Variants in GABRG1 observed in about 807,000 individuals in gnomAD.
GABRG1 encodes the protein gamma-aminobutyric acid receptor subunit gamma-1.
In GABRG1, 49 loss-of-function variants were observed where a neutral mutation model predicts 49.8. The observed-to-expected ratio is 0.98, with a 90% confidence interval of 0.78 to 1.25. The LOEUF (loss-of-function observed/expected upper bound fraction) is 1.25, where lower values mean the gene tolerates loss of function less well. Among genes scored for constraint, GABRG1 ranks in the 50% most tolerant of loss-of-function variants. The pLI is 0.00. For synonymous variants in GABRG1, 232 were observed against 185.1 expected (o/e 1.25, Z -2.06); for missense variants, 552 against 552.3 (o/e 1.00, Z 0.01).
At chr4:46,077,192 C>G (rs551466137) in intron 3 of GABRG1, among the ~76,000 whole-genome samples, 1 of 151,062 alleles carries the variant, frequency 6.6e-6, no homozygotes, top group South Asian at 2.1e-4. Flanking sequence ...GGAGATATAC[C>G]TAATGCTAAA....
intron 2 of GABRG1, among the ~76,000 whole-genome samples, chr4:46,095,031 C>T (rs1720121294): frequency 6.6e-6 from 1 of 151,668 alleles, no homozygotes; most frequent in African/African-American, 2.4e-5. Context: ...AATTCAGAAA[C>T]TAAGCAAGAT....
At chr4:46,048,605 A>G (rs1204305449) in intron 8 of GABRG1, among the ~76,000 whole-genome samples, 2 of 150,120 alleles carry the variant, frequency 1.3e-5, no homozygotes, top group African/African-American at 2.4e-5. Context: ...GAAGGAAGGA[A>G]GGAAGGAGAA....
At position 46,038,675 on chromosome 4, in the gene GABRG1, A is replaced by G. The variant is rs898319253; in HGVS notation, c.*2313T>C. On this transcript the variant is annotated 3_prime_UTR_variant, in exon 9 of 9. Transcript: ENST00000295452. ...TTTCTTGAGAAAGAAGTCTAAATGT[A>G]GTTTTACCTTTTTATTCTTATTTTT... 2 of 151,678 alleles carry G rather than the reference A, an allele frequency of 1.3e-5. No individual in the cohort carries two copies. The allele number at this position is 151,678 out of a possible 1,614,324, so 9.4% of individuals were successfully genotyped here.
At chr4:46,119,726 A>C (rs1254379975) in intron 1 of GABRG1, among the ~76,000 whole-genome samples, 1 of 151,324 alleles carries the variant, frequency 6.6e-6, no homozygotes, top group East Asian at 1.9e-4. Flanking sequence ...TTATCTTTAG[A>C]GTTCTAGAGG....
At chr4:46,047,295 C>T (rs948691897) in intron 8 of GABRG1, among the ~76,000 whole-genome samples, 13 of 152,112 alleles carry the variant, frequency 8.5e-5, no homozygotes, top group Non-Finnish European at 1.9e-4. Flanking sequence ...CTCAGCCCAG[C>T]TGACATAGTT....
chr4:46,100,010 T>C lies in GABRG1; in HGVS notation c.105-2661A>G, dbSNP rs188316130. On this transcript the variant is annotated intron_variant, in intron 1 of 8. Transcript: ENST00000295452. Reference sequence around the variant, plus strand: ...TTGAGCCTGTACTTCTAAGGATGCATTATTTTAAAGTATACAAAGTTTCAC... The same window carrying C: ...TTGAGCCTGTACTTCTAAGGATGCACTATTTTAAAGTATACAAAGTTTCAC... Among the ~76,000 whole-genome samples the C allele has an allele frequency of 8.6e-5, 13 of 151,860 alleles. No individual in the cohort carries two copies. The Middle Eastern group carries it at 0.01, about 119-fold the overall frequency.
At chr4:46,109,397 G>T (rs1390503720) in intron 1 of GABRG1, among the ~76,000 whole-genome samples, 1 of 150,520 alleles carries the variant, frequency 6.6e-6, no homozygotes, top group East Asian at 2.0e-4. Flanking sequence ...GTGCTTATTT[G>T]GATCTTCTCT....
chr4:46,110,430 C>T (rs1359671406), intron 1 of GABRG1, among the ~76,000 whole-genome samples: 4 of 150,948 alleles, frequency 2.6e-5, no homozygotes, highest in Admixed American at 2.0e-4. Flanking sequence ...GTCTTGAAGA[C>T]AGCAGATGGA....
chr4:46,065,400 C>T lies in GABRG1; in HGVS notation c.506G>A (p.Arg169Gln), dbSNP rs940269899. The change falls in exon 4 of 9, where the codon CGA becomes CAA. Residue 169 changes from arginine to glutamine, a missense_variant. Physicochemically the swap from Arg to Gln is conservative, Grantham distance 43 (BLOSUM62 1). Transcript: ENST00000295452. ...HWITTPNRLL[R>Q]IWNDGRVLYT... Reference sequence around the variant, plus strand: ...CAGAACTCGTCCATCATTCCAAATTCGAAGCAGACGATTAGGAGTTGTTAT... The same window carrying T: ...CAGAACTCGTCCATCATTCCAAATTTGAAGCAGACGATTAGGAGTTGTTAT... The T allele has an allele frequency of 3.7e-6, 6 of 1,612,984 alleles. No homozygotes were observed. The highest frequency in any genetic ancestry group is 1.1e-5 in the South Asian group (1 of 91,064).
chr4:46,089,343 A>AC (rs1210017431), intron 2 of GABRG1, among the ~76,000 whole-genome samples: 1 of 152,096 alleles, frequency 6.6e-6, no homozygotes, highest in Admixed American at 6.6e-5. Flanking sequence ...ACTTGATGTT[A>AC]CCCCAAAAAG....
At chr4:46,112,967 T>G (rs2109442068) in intron 1 of GABRG1, among the ~76,000 whole-genome samples, 1 of 151,172 alleles carries the variant, frequency 6.6e-6, no homozygotes, top group Admixed American at 6.6e-5. Flanking sequence ...CGGCTACAAG[T>G]AACTACAAGG....
intron 7 of GABRG1, among the ~76,000 whole-genome samples, chr4:46,056,432 T>G (rs1321513712): frequency 1.3e-5 from 2 of 151,972 alleles, no homozygotes; most frequent in Non-Finnish European, 2.9e-5. Flanking sequence ...CACACTTCAT[T>G]GGGTCACTGC....
chr4:46,058,693 G>A (rs1162498017), intron 5 of GABRG1, 71 bp from the exon 6 acceptor site: 1 of 1,214,980 alleles, frequency 8.2e-7, no homozygotes, highest in African/African-American at 1.5e-5. Context: ...ATTATCCAAA[G>A]GTAGATTCTT....
In GABRG1 at chr4:46,051,425, G is replaced by T; in HGVS notation, c.1130C>A (p.Ser377Ter). The change falls in exon 8 of 9, where the codon TCG (serine) becomes TAG (stop). Residue 377 changes from serine (S) to a stop codon, truncating the protein, a stop_gained and splice_region_variant. Transcript: ENST00000295452. LOFTEE classifies it high-confidence loss of function. The part of the protein sequence containing the change: ...TKDRKLKNKA[S>*]MTPGLHPGST... Reference sequence around the variant, plus strand: ...TAGAAATTTTTCTTTTTAACATACCGAGGCTTTATTTTTTAGCTTTCTGTC... The same window carrying T: ...TAGAAATTTTTCTTTTTAACATACCTAGGCTTTATTTTTTAGCTTTCTGTC... 2 of 1,596,716 alleles carry T rather than the reference G, an allele frequency of 1.3e-6. No homozygotes were observed. Among genetic ancestry groups the T allele is most frequent in the South Asian group, 1.1e-5 (1 of 88,664 alleles).
At chr4:46,112,511 T>C (rs1179547290) in intron 1 of GABRG1, among the ~76,000 whole-genome samples, 1 of 151,184 alleles carries the variant, frequency 6.6e-6, no homozygotes, top group Non-Finnish European at 1.5e-5. Context: ...AACAAATAAT[T>C]CTACCAAAAA....
chr4:46,037,021 C>T lies in GABRG1; in HGVS notation c.*3967G>A, dbSNP rs891638082. The T allele has an allele frequency of 6.6e-6, 1 of 151,640 alleles. No homozygotes were observed. Among genetic ancestry groups the T allele is most frequent in the African/African-American group, 2.4e-5 (1 of 41,346 alleles). 9.4% of individuals were successfully genotyped at this position (151,640 alleles called of 1,614,324 possible). ...TTTACCCAGTTGGAAATTGTGATCTCTCTCCCTCTTACCTGTTGAATCCCC... is the reference window on the plus strand; with the variant it reads ...TTTACCCAGTTGGAAATTGTGATCTTTCTCCCTCTTACCTGTTGAATCCCC... On this transcript the variant is annotated 3_prime_UTR_variant, in exon 9 of 9. Coordinates refer to ENST00000295452, the MANE Select transcript of GABRG1 (RefSeq NM_173536.4).
intron 1 of GABRG1, among the ~76,000 whole-genome samples, chr4:46,106,990 G>A (rs556721521): frequency 1.7e-4 from 26 of 151,336 alleles, no homozygotes; most frequent in African/African-American, 5.8e-4. Flanking sequence ...ACAGGCATGC[G>A]ATGTGAAATA....
chr4:46,058,768 A>G, intron 5 of GABRG1, 146 bp from the exon 6 acceptor site: 1 of 627,410 alleles, frequency 1.6e-6, no homozygotes, highest in Admixed American at 3.0e-5. Flanking sequence ...TACAATAAAT[A>G]TTAATAAGCA....
At chr4:46,094,070 G>A (rs920173743) in intron 2 of GABRG1, among the ~76,000 whole-genome samples, 6 of 152,100 alleles carry the variant, frequency 3.9e-5, no homozygotes, top group Admixed American at 2.6e-4. Context: ...ACTACTGCAT[G>A]TGACAAAGAA....
Sources: allele counts gnomAD v4.1 joint callset (sites outside exome capture counted in the v4.1 genomes callset), GRCh38; gene constraint gnomAD v4.1.1; transcripts MANE v1.5; gene names NCBI Gene and HGNC (gene_info 2026-07-23, HGNC 2026-07-21).